Variants in IL26 observed in about 807,000 individuals in gnomAD.
IL26 encodes the protein interleukin 26, also known as interleukin-26.
Under a neutral mutation model 21.7 loss-of-function variants are expected in IL26, and 23 were observed. The observed-to-expected ratio is 1.06, with a 90% CI of 0.76 to 1.50. The LOEUF (loss-of-function observed/expected upper bound fraction) is 1.50. Ranked by LOEUF, IL26 falls within the 40% of genes most tolerant of loss-of-function variation. IL26 has a pLI of 0.00. For missense variants in IL26, 204 were observed against 196.0 expected (o/e 1.04, Z -0.24); for synonymous variants, 63 against 67.8 (o/e 0.93, Z 0.34).
At chr12:68,218,531 AAC>A (rs1868956173) in intron 3 of IL26, among the ~76,000 whole-genome samples, 1 of 151,514 alleles carries the variant, frequency 6.6e-6, no homozygotes, top group East Asian at 1.9e-4. Context: ...TTCACAATGA[AAC>A]ACAGAAAAGA....
chr12:68,206,104 T>C (rs1215906896), intron 3 of IL26, among the ~76,000 whole-genome samples: 1 of 152,244 alleles, frequency 6.6e-6, no homozygotes, highest in African/African-American at 2.4e-5. Flanking sequence ...AGTTCTGTTG[T>C]AAATTCTATG....
chr12:68,225,578 A>G lies in IL26; in HGVS notation c.171+8T>C, dbSNP rs1869221238. The G allele has an allele frequency of 3.1e-6, 5 of 1,613,826 alleles. No individual in the cohort carries two copies. The highest frequency in any genetic ancestry group is 4.2e-6 in the Non-Finnish European group (5 of 1,179,854). Reference sequence around the variant, plus strand: ...AGGTCATGATTTTAAGCAGAGCCTAATACTTACTGGAATCGTTGCTTTGAG... The same window carrying G: ...AGGTCATGATTTTAAGCAGAGCCTAGTACTTACTGGAATCGTTGCTTTGAG... On this transcript the variant is annotated splice_region_variant and intron_variant, in intron 1 of 4. Coordinates refer to ENST00000229134, the MANE Select transcript of IL26 (RefSeq NM_018402.2).
chr12:68,209,338 G>C (rs1474092250), intron 3 of IL26, among the ~76,000 whole-genome samples: 1 of 152,194 alleles, frequency 6.6e-6, no homozygotes, highest in Non-Finnish European at 1.5e-5. Flanking sequence ...AAAGAAACAG[G>C]TGGTGAGAAT....
intron 3 of IL26, among the ~76,000 whole-genome samples, chr12:68,216,253 T>A (rs1206082211): frequency 1.3e-5 from 2 of 151,952 alleles, no homozygotes; most frequent in African/African-American, 4.8e-5. Context: ...ATTGCACCAC[T>A]GCACTCCAGC....
At chr12:68,208,727 C>T (rs959354907) in intron 3 of IL26, among the ~76,000 whole-genome samples, 2 of 152,092 alleles carry the variant, frequency 1.3e-5, no homozygotes, top group African/African-American at 2.4e-5. Flanking sequence ...TCTCGAACTC[C>T]TGACCTCAAG....
At chr12:68,224,042 C>A (rs1869149282) in intron 3 of IL26, among the ~76,000 whole-genome samples, 1 of 150,310 alleles carries the variant, frequency 6.7e-6, no homozygotes, top group Non-Finnish European at 1.5e-5. Flanking sequence ...AATAAACACC[C>A]CCCCCCTCTA....
intron 2 of IL26, 50 bp from the exon 3 acceptor site, chr12:68,225,333 T>G (rs775342764): frequency 6.4e-7 from 1 of 1,573,950 alleles, no homozygotes; most frequent in Non-Finnish European, 8.7e-7. Flanking sequence ...GAATCGTTTT[T>G]TAATGTCCCC....
chr12:68,206,639 C>G (rs1273398911), intron 3 of IL26, among the ~76,000 whole-genome samples: 2 of 152,194 alleles, frequency 1.3e-5, no homozygotes, highest in African/African-American at 4.8e-5. Flanking sequence ...TAAGGGCAGT[C>G]CTGATCATAA....
intron 3 of IL26, among the ~76,000 whole-genome samples, chr12:68,215,985 A>G (rs1412713943): frequency 6.7e-6 from 1 of 148,928 alleles, no homozygotes; most frequent in Non-Finnish European, 1.5e-5. Context: ...TGCTCAGCCT[A>G]TTTATCTTTA....
In IL26 at chr12:68,205,339, C is replaced by CT. The variant is rs968319729; in HGVS notation, c.364-3257_364-3256insA. Among the ~76,000 whole-genome samples the CT allele has an allele frequency of 1.6e-4, 23 of 144,698 alleles. 1 individual carries two copies. Among genetic ancestry groups the CT allele is most frequent in the African/African-American group, 5.1e-4 (20 of 39,026 alleles). 94.9% of individuals were successfully genotyped at this position (144,698 alleles called of 152,430 possible). On this transcript the variant is annotated intron_variant, in intron 3 of 4. Coordinates refer to ENST00000229134, the MANE Select transcript of IL26 (RefSeq NM_018402.2). The stretch of plus-strand genomic sequence containing the variant: ...CCTGCGTAAAACATTAGACCCCCCC[C>CT]AAATTAAACTAATAGCCTACAGTTG...
chr12:68,201,946 C>A lies in IL26; in HGVS notation c.430-15G>T. On this transcript the variant is annotated splice_polypyrimidine_tract_variant and intron_variant, in intron 4 of 4. Transcript: ENST00000229134. ...TTGTTTCCAATCTGCAGATAAAGTA[C>A]AGATATAAGAGAATAAATTTTTCCT... 6.3e-7 allele frequency: 1 copy of A among 1,575,222 alleles called. No individual in the cohort carries two copies.
Position 68,204,389 on chromosome 12 carries a change from C to T in IL26, c.364-2306G>A, listed in dbSNP as rs11571057. Reference sequence around the variant, plus strand: ...CGATCCACTGACCTCATGATCTGCCCGCCTCGGCCTCCCAAAGTGCTGGGA... The same window carrying T: ...CGATCCACTGACCTCATGATCTGCCTGCCTCGGCCTCCCAAAGTGCTGGGA... On this transcript the variant is annotated intron_variant, in intron 3 of 4. Coordinates refer to ENST00000229134, the MANE Select transcript of IL26 (RefSeq NM_018402.2). Among the ~76,000 whole-genome samples, 575 of 152,136 alleles carry T rather than the reference C, an allele frequency of 3.8e-3. 4 individuals carry two copies. Among genetic ancestry groups the T allele is most frequent in the African/African-American group, 0.013 (519 of 41,490 alleles).
intron 3 of IL26, among the ~76,000 whole-genome samples, chr12:68,202,760 C>G (rs11571061): frequency 6.6e-6 from 1 of 152,076 alleles, no homozygotes; most frequent in African/African-American, 2.4e-5. Context: ...AGAGCCAAAC[C>G]ATATCAACAT....
At chr12:68,223,884 G>GTTTTTTTTTTTTTTTTTTT (rs376115904) in intron 3 of IL26, among the ~76,000 whole-genome samples, 6 of 132,272 alleles carry the variant, frequency 4.5e-5, no homozygotes, top group Admixed American at 7.9e-5. Context: ...AAATTTGGTG[G>GTTTTTTTTTTTTTTTTTTT]TTTTTTTTTT....
chr12:68,221,034 T>TA (rs1319969121), intron 3 of IL26, among the ~76,000 whole-genome samples: 13 of 152,238 alleles, frequency 8.5e-5, no homozygotes, highest in African/African-American at 3.1e-4. Flanking sequence ...TTATGATTTT[T>TA]ATGCCCTCAA....
At chr12:68,210,326 A>G (rs1472131144) in intron 3 of IL26, among the ~76,000 whole-genome samples, 1 of 141,550 alleles carries the variant, frequency 7.1e-6, no homozygotes, top group Non-Finnish European at 1.5e-5. Flanking sequence ...AAATAAATAA[A>G]TATCAGTTTG....
chr12:68,209,279 G>T lies in IL26; in HGVS notation c.364-7196C>A, dbSNP rs543415336. ...GGGGGCCAACACGAGTACGGAGGCT[G>T]CAAAGGCCCTGAGCTCTGGAAGCCC... On this transcript the variant is annotated intron_variant, in intron 3 of 4. Coordinates refer to ENST00000229134, the MANE Select transcript of IL26 (RefSeq NM_018402.2). Among the ~76,000 whole-genome samples, 5 of 152,354 alleles carry T rather than the reference G, an allele frequency of 3.3e-5. No individual in the cohort carries two copies. The South Asian group carries it at 1.0e-3, about 32-fold the overall frequency.
intron 3 of IL26, among the ~76,000 whole-genome samples, chr12:68,208,498 C>G (rs1342292323): frequency 1.4e-5 from 2 of 143,520 alleles, no homozygotes; most frequent in African/African-American, 2.9e-5. Context: ...TTCTTTCTTT[C>G]TTTGTTTCTT....
chr12:68,215,428 T>C (rs1469470281), intron 3 of IL26, among the ~76,000 whole-genome samples: 2 of 152,210 alleles, frequency 1.3e-5, no homozygotes, highest in Non-Finnish European at 2.9e-5. Flanking sequence ...TATCCTCATA[T>C]ATTAGCATTC....
Sources: gnomAD v4.1 joint callset for allele counts (sites outside exome capture counted in the v4.1 genomes callset) on GRCh38, gnomAD v4.1.1 for gene constraint, MANE v1.5 for transcripts, NCBI Gene and HGNC (gene_info 2026-07-23, HGNC 2026-07-21) for gene names.